ACACB: variants seen among roughly 807,000 people sequenced by gnomAD.
ACACB encodes acetyl-CoA carboxylase beta, also known as acetyl-CoA carboxylase 2.
A neutral mutation model predicts 278.8 loss-of-function variants in ACACB; 209 were observed. The observed-to-expected ratio is 0.75, with a 90% CI of 0.67 to 0.84. ACACB has a LOEUF of 0.84. Among genes scored for constraint, ACACB ranks in the 40% least tolerant of loss-of-function variants. ACACB has a pLI of 0.00. For missense variants in ACACB, 2,850 were observed against 3,269.0 expected (o/e 0.87, Z 3.13); for synonymous variants, 1,174 against 1,285.6 (o/e 0.91, Z 1.86).
chr12:109,199,520 G>A lies in ACACB; in HGVS notation c.2746G>A (p.Val916Ile), dbSNP rs1247107221. The change falls in exon 18 of 53, where the codon GTT becomes ATT. Residue 916 changes from valine (V) to isoleucine (I), a missense_variant. Physicochemically the swap from Val to Ile is conservative, Grantham distance 29. Transcript: ENST00000338432. ...GTACACAGTGGAGGATGGGGGCCACGTTGAGGCTGGGAGCAGCTACGCTGA... is the reference window on the plus strand; with the variant it reads ...GTACACAGTGGAGGATGGGGGCCACATTGAGGCTGGGAGCAGCTACGCTGA... ...TQYTVEDGGH[V>I]EAGSSYAEME... is the part of the protein sequence containing the mutation. 1.3e-6 allele frequency: 2 copies of A among 1,516,452 alleles called. No individual in the cohort carries two copies. Among genetic ancestry groups the A allele is most frequent in the East Asian group, 2.6e-5 (1 of 38,654 alleles). 93.9% of individuals were successfully genotyped at this position (1,516,452 alleles called of 1,614,324 possible).
chr12:109,224,072 G>T (rs1188392871), intron 27 of ACACB, among the ~76,000 whole-genome samples, 168 bp downstream of exon 27: 1 of 152,146 alleles, frequency 6.6e-6, no homozygotes, highest in East Asian at 1.9e-4. Context: ...AGGAACTGAG[G>T]CTCAGAGAGG....
At chr12:109,115,824 G>A (rs2042393139), upstream of ACACB, among the ~76,000 whole-genome samples, 2 of 152,210 alleles carry the variant, frequency 1.3e-5, no homozygotes, top group African/African-American at 2.4e-5. Context: ...CAGCGCTCTC[G>A]CCAGTTTCTC....
At chr12:109,129,996 C>CCCTT (rs2042782506) in intron 1 of ACACB, among the ~76,000 whole-genome samples, 2 of 152,178 alleles carry the variant, frequency 1.3e-5, no homozygotes, top group Non-Finnish European at 2.9e-5. Flanking sequence ...TTGATTCTCA[C>CCCTT]AATAAGGCAG....
At chr12:109,156,786 C>T (rs906729386) in intron 2 of ACACB, among the ~76,000 whole-genome samples, 9 of 152,096 alleles carry the variant, frequency 5.9e-5, no homozygotes, top group African/African-American at 1.4e-4. Context: ...CCGTGACCTC[C>T]GCCCTCCAGG....
At chr12:109,237,121 C>CTGTG in intron 33 of ACACB, 44 bp from the exon 34 acceptor site, 4 of 1,601,484 alleles carry the variant, frequency 2.5e-6, no homozygotes, top group South Asian at 2.2e-5. Context: ...CAACGTCACG[C>CTGTG]TGTGTGTGTA....
At chr12:109,194,628 G>A (rs911159454) in intron 16 of ACACB, among the ~76,000 whole-genome samples, 2 of 150,436 alleles carry the variant, frequency 1.3e-5, no homozygotes, top group Non-Finnish European at 3.0e-5. Context: ...GTGTGTGTGT[G>A]TGTGTGTGTG....
At chr12:109,116,203 A>G (rs147129068), upstream of ACACB, among the ~76,000 whole-genome samples, 253 of 152,308 alleles carry the variant, frequency 1.7e-3, 2 homozygotes, top group African/African-American at 5.9e-3. Flanking sequence ...TTCAGGGGAG[A>G]GAAGCCAGGT....
intron 36 of ACACB, chr12:109,242,170 T>G: frequency 2.6e-6 from 1 of 389,294 alleles, no homozygotes; most frequent in South Asian, 4.6e-5. Context: ...CACCAGCGTT[T>G]CCATGCATGC....
At chr12:109,160,464 A>G (rs1368237091) in intron 2 of ACACB, among the ~76,000 whole-genome samples, 1 of 152,124 alleles carries the variant, frequency 6.6e-6, no homozygotes, top group African/African-American at 2.4e-5. Context: ...TATTTCCTCC[A>G]TTCCTGATAC....
chr12:109,266,692 GTTCTTTAGGATC>G lies in ACACB; in HGVS notation c.*331_*342del. On this transcript the variant is annotated 3_prime_UTR_variant, in exon 53 of 53. Transcript: ENST00000338432. ...AGTGCCTGGCATGTGGGATCCAGGC[GTTCTTTAGGATC>G]CTTGGATACCACATCGTGAAATCTT... The G allele has an allele frequency of 5.7e-6, 1 of 175,402 alleles. No individual in the cohort carries two copies. The highest frequency in any genetic ancestry group is 2.4e-5 in the African/African-American group (1 of 42,384). 10.9% of individuals were successfully genotyped at this position (175,402 alleles called of 1,614,324 possible).
In ACACB at chr12:109,139,516, A is replaced by C; in HGVS notation, c.111A>C (p.Ser37=). The change falls in exon 2 of 53, where the codon TCA becomes TCC. Residue 37 remains serine, a synonymous_variant. Coordinates refer to ENST00000338432, the MANE Select transcript of ACACB (RefSeq NM_001093.4). ...TDSKPITKSK[S]EANLIPSQEP... is the part of the protein sequence containing the mutation. The stretch of plus-strand genomic sequence containing the variant: ...CCAAGCCGATCACCAAGAGTAAATC[A>C]GAAGCAAACCTCATCCCGAGCCAGG... 1 of 1,614,214 alleles carries C rather than the reference A, an allele frequency of 6.2e-7. No homozygotes were observed. Among genetic ancestry groups the C allele is most frequent in the Non-Finnish European group, 8.5e-7 (1 of 1,180,036 alleles).
chr12:109,228,379 C>T (rs2046376858), intron 28 of ACACB, among the ~76,000 whole-genome samples: 1 of 150,438 alleles, frequency 6.6e-6, no homozygotes, highest in African/African-American at 2.4e-5. Flanking sequence ...ATGAGCCAGC[C>T]ATGGTGGCCC....
rs907337191 is a variant in ACACB at position 109,216,013 on chromosome 12, G to A, written c.3351-605G>A. ...AAGGTCTCACCTTGTTGCCCAGGCT[G>A]CTCTTGAACTTCTGAGCTCAAATGA... On this transcript the variant is annotated intron_variant, in intron 22 of 52. Coordinates refer to ENST00000338432, the MANE Select transcript of ACACB (RefSeq NM_001093.4). Among the ~76,000 whole-genome samples the A allele has an allele frequency of 1.8e-4, 27 of 152,032 alleles. No homozygotes were observed. The East Asian group carries it at 5.2e-3, about 30-fold the overall frequency.
chr12:109,222,247 T>G (rs1178737210), intron 24 of ACACB, among the ~76,000 whole-genome samples: 1 of 151,268 alleles, frequency 6.6e-6, no homozygotes, highest in Non-Finnish European at 1.5e-5. Context: ...ATTTGTTTGT[T>G]CTTACCAGGC....
At chr12:109,133,099 A>G (rs957259076) in intron 1 of ACACB, among the ~76,000 whole-genome samples, 1 of 152,216 alleles carries the variant, frequency 6.6e-6, no homozygotes, top group African/African-American at 2.4e-5. Context: ...TTTTCTAAGC[A>G]AGTTCCTGAA....
chr12:109,210,960 A>C (rs552354247), intron 21 of ACACB, among the ~76,000 whole-genome samples: 9 of 152,004 alleles, frequency 5.9e-5, no homozygotes, highest in Non-Finnish European at 1.3e-4. Context: ...AAAAAAAAAA[A>C]AGAATGGAAG....
At chr12:109,175,230 T>A (rs564231816) in intron 7 of ACACB, among the ~76,000 whole-genome samples, 1 of 152,136 alleles carries the variant, frequency 6.6e-6, no homozygotes, top group East Asian at 1.9e-4. Flanking sequence ...TTGTTTTTTT[T>A]TCCCCCCCCA....
intron 18 of ACACB, 81 bp from the exon 19 acceptor site, chr12:109,201,486 T>C: frequency 6.4e-7 from 1 of 1,552,556 alleles, no homozygotes. Flanking sequence ...GGCGCGTCCC[T>C]GCTCCGGCAT....
At chr12:109,190,115 AAAAC>A (rs1216275696) in intron 13 of ACACB, among the ~76,000 whole-genome samples, 3 of 152,180 alleles carry the variant, frequency 2.0e-5, no homozygotes, top group African/African-American at 7.2e-5. Flanking sequence ...CCGTCTCAAA[AAAAC>A]AAAAAAAAGA....
Sources: allele counts gnomAD v4.1 joint callset (sites outside exome capture counted in the v4.1 genomes callset), GRCh38; gene constraint gnomAD v4.1.1; transcripts MANE v1.5; gene names NCBI Gene and HGNC (gene_info 2026-07-23, HGNC 2026-07-21).